TNRC6C: variants seen among roughly 807,000 people sequenced by gnomAD.
TNRC6C encodes trinucleotide repeat-containing gene 6C protein.
Under a neutral mutation model 153.7 loss-of-function variants are expected in TNRC6C, and 20 were observed. The ratio of observed to expected loss-of-function variants is 0.13; its 90% CI spans 0.09 to 0.19. TNRC6C has a LOEUF of 0.19. Ranked by LOEUF, TNRC6C falls within the 10% of genes least tolerant of loss-of-function variation. TNRC6C has a pLI of 1.00. For missense variants in TNRC6C, 1,987 were observed against 2,172.0 expected, an observed-to-expected ratio of 0.91 and a Z score of 1.69; for synonymous variants, 811 against 841.4, an observed-to-expected ratio of 0.96 and a Z score of 0.63.
At chr17:78,051,726 G>A (rs2072541253) in intron 3 of TNRC6C, among the ~76,000 whole-genome samples, 1 of 152,032 alleles carries the variant, frequency 6.6e-6, no homozygotes, top group South Asian at 2.1e-4. Flanking sequence ...GGCCTGGGGT[G>A]GAGATGATGG....
At chr17:77,996,028 A>G (rs766445769) in intron 1 of TNRC6C, among the ~76,000 whole-genome samples, 12 of 152,192 alleles carry the variant, frequency 7.9e-5, no homozygotes, top group Non-Finnish European at 1.5e-4. Context: ...AGCTGTGATC[A>G]TACCACTGCA....
At chr17:78,084,812 A>G (rs180823063) in intron 11 of TNRC6C, among the ~76,000 whole-genome samples, 1 of 151,950 alleles carries the variant, frequency 6.6e-6, no homozygotes, top group Admixed American at 6.6e-5. Flanking sequence ...TATTTTTAGT[A>G]GAGACAGGGT....
At position 77,992,226 on chromosome 17, in the gene TNRC6C, G is replaced by A. The variant is rs532020964; in HGVS notation, c.-37-11944G>A. 1.2e-4 allele frequency among the ~76,000 whole-genome samples: 6 copies of A among 50,472 alleles called. 2 individuals are homozygous for A. The highest frequency in any genetic ancestry group is 3.7e-4 in the African/African-American group (2 of 5,342). 33.1% of individuals were successfully genotyped at this position (50,472 alleles called of 152,430 possible). On this transcript the variant is annotated intron_variant, in intron 1 of 22. Transcript: ENST00000636222. ...TAAGATTAAGCAAAACCGGCCGGGC[G>A]CGGTGGCTCACGCCTGTAATCCCAG...
chr17:78,099,615 G>C (rs528369337), intron 17 of TNRC6C, among the ~76,000 whole-genome samples: 1 of 152,136 alleles, frequency 6.6e-6, no homozygotes. Flanking sequence ...CCTCCCACTG[G>C]GTTCCTTCAC....
At position 78,075,164 on chromosome 17, in the gene TNRC6C, G is replaced by A; in HGVS notation, c.2946G>A (p.Val982=). 6.8e-6 allele frequency: 11 copies of A among 1,613,240 alleles called. No homozygotes were observed. The highest frequency in any genetic ancestry group is 9.3e-6 in the Non-Finnish European group (11 of 1,179,572). ...CTCTGCTGGAAAAGAAGGTGGACGTGGACAAGCGTGGGCTGGGAGTGACCG... is the reference window on the plus strand; with the variant it reads ...CTCTGCTGGAAAAGAAGGTGGACGTAGACAAGCGTGGGCTGGGAGTGACCG... The change falls in exon 8 of 20, where the codon GTG becomes GTA. Residue 982 remains valine (V), a synonymous_variant. Coordinates refer to ENST00000301624, the Ensembl canonical transcript of TNRC6C. This position sits in a 1 kb window ranked among gnomAD's most constrained non-coding sequence, Gnocchi z 4.2.
At chr17:77,971,265 T>C (rs1052827490) in intron 1 of TNRC6C, among the ~76,000 whole-genome samples, 1 of 152,240 alleles carries the variant, frequency 6.6e-6, no homozygotes, top group Non-Finnish European at 1.5e-5. Flanking sequence ...GATAAAGTGC[T>C]TGAATTGGTT....
intron 11 of TNRC6C, among the ~76,000 whole-genome samples, chr17:78,085,572 C>T (rs1473302586): frequency 6.6e-6 from 1 of 152,100 alleles, no homozygotes; most frequent in Non-Finnish European, 1.5e-5. Flanking sequence ...TCAAAACAGT[C>T]AAATGACCAA....
intron 3 of TNRC6C, among the ~76,000 whole-genome samples, chr17:78,063,016 CG>C (rs2072798865): frequency 1.3e-5 from 2 of 152,046 alleles, no homozygotes; most frequent in Admixed American, 1.3e-4. Context: ...GAGGCTGAAG[CG>C]GGGGGATCAC....
intron 3 of TNRC6C, among the ~76,000 whole-genome samples, chr17:78,054,190 C>T (rs1365961733): frequency 6.6e-6 from 1 of 152,126 alleles, no homozygotes; most frequent in East Asian, 1.9e-4. Context: ...TAAAATGGTG[C>T]ACCTGTATAG....
intron 17 of TNRC6C, among the ~76,000 whole-genome samples, chr17:78,099,368 A>T (rs1455369995): frequency 2.0e-5 from 3 of 152,214 alleles, no homozygotes; most frequent in African/African-American, 4.8e-5. Flanking sequence ...ATGAAGACAT[A>T]CCCGAGACTG....
chr17:78,041,103 C>G (rs1056165667), intron 2 of TNRC6C: 13 of 152,382 alleles, frequency 8.5e-5, no homozygotes, highest in African/African-American at 3.1e-4. Flanking sequence ...GAGGGTTGGG[C>G]GGCACCGTCT....
chr17:78,020,761 CT>C (rs1234485687), intron 1 of TNRC6C, among the ~76,000 whole-genome samples: 1 of 151,944 alleles, frequency 6.6e-6, no homozygotes, highest in Non-Finnish European at 1.5e-5. Context: ...AGGTATTTCT[CT>C]TTTTTTTGGT....
intron 1 of TNRC6C, among the ~76,000 whole-genome samples, chr17:77,981,013 T>C (rs1179551441): frequency 1.3e-5 from 2 of 152,140 alleles, no homozygotes; most frequent in Non-Finnish European, 2.9e-5. Context: ...TCTCACTCTA[T>C]TGTCCAGGCT....
intron 1 of TNRC6C, among the ~76,000 whole-genome samples, chr17:77,976,948 A>C (rs1031263566): frequency 3.3e-5 from 5 of 150,754 alleles, no homozygotes; most frequent in Admixed American, 1.3e-4. Context: ...AAAAAAAAAA[A>C]AAAAAAAAAA....
intron 1 of TNRC6C, among the ~76,000 whole-genome samples, chr17:77,998,650 T>A (rs1036268078): frequency 6.6e-6 from 1 of 152,256 alleles, no homozygotes; most frequent in African/African-American, 2.4e-5. Flanking sequence ...AGTTTTTTAG[T>A]TCTAAACTTT....
At chr17:78,091,762 CAGCT>C (rs2144558126) in intron 14 of TNRC6C, among the ~76,000 whole-genome samples, 155 bp downstream of exon 16, 1 of 152,274 alleles carries the variant, frequency 6.6e-6, no homozygotes, top group East Asian at 1.9e-4. Flanking sequence ...TATAAGATCT[CAGCT>C]AGTCACTGAT....
intron 1 of TNRC6C, among the ~76,000 whole-genome samples, chr17:77,978,727 C>T (rs1168838517): frequency 6.6e-6 from 1 of 151,964 alleles, no homozygotes; most frequent in African/African-American, 2.4e-5. Flanking sequence ...GATGACAGAC[C>T]CTGGTAAACA....
chr17:77,967,574 A>G (rs2070907700), intron 1 of TNRC6C, among the ~76,000 whole-genome samples: 1 of 152,204 alleles, frequency 6.6e-6, no homozygotes, highest in African/African-American at 2.4e-5. Context: ...GGCTCCCTGC[A>G]CTACTGTTTT....
At chr17:77,987,588 A>G (rs923387714) in intron 1 of TNRC6C, among the ~76,000 whole-genome samples, 1 of 152,238 alleles carries the variant, frequency 6.6e-6, no homozygotes, top group African/African-American at 2.4e-5. Context: ...AAACACCTAA[A>G]TAAGCAACCG....
Sources: allele counts gnomAD v4.1 joint callset (sites outside exome capture counted in the v4.1 genomes callset), GRCh38; gene constraint gnomAD v4.1.1; non-coding constraint Gnocchi (gnomAD v3.1); transcripts MANE v1.5; gene names NCBI Gene and HGNC (gene_info 2026-07-23, HGNC 2026-07-21).